Variants in DNTT observed in about 807,000 individuals in gnomAD.
The protein encoded by DNTT is nucleosidetriphosphate:DNA deoxynucleotidylexotransferase.
Under a neutral mutation model 60.9 loss-of-function variants are expected in DNTT, and 47 were observed. That is an observed-to-expected ratio of 0.77 (90% CI 0.61 to 0.98). The LOEUF (loss-of-function observed/expected upper bound fraction) is 0.98, where lower values mean the gene tolerates loss of function less well. Among genes scored for constraint, DNTT ranks in the 50% least tolerant of loss-of-function variants. The probability of loss-of-function intolerance (pLI) is 0.00; values close to 1 mark genes in which losing one functional copy is unlikely to be tolerated. For synonymous variants in DNTT, 224 were observed against 221.2 expected (o/e 1.01, Z -0.11); for missense variants, 665 against 627.5 (o/e 1.06, Z -0.64).
chr10:96,337,761 G>A (rs7091990), intron 10 of DNTT, among the ~76,000 whole-genome samples: 148,211 of 152,276 alleles, frequency 0.97, 72,273 homozygotes, highest in Middle Eastern at 1. Flanking sequence ...AGTGCGTTCA[G>A]ATAGATTGAT....
At chr10:96,328,550 A>G (rs1844966479) in intron 7 of DNTT, among the ~76,000 whole-genome samples, 175 bp from the exon 8 acceptor site, 1 of 152,174 alleles carries the variant, frequency 6.6e-6, no homozygotes, top group Non-Finnish European at 1.5e-5. Flanking sequence ...TGTGTCATAA[A>G]TTTATTTTGT....
chr10:96,320,769 A>G lies in DNTT; in HGVS notation c.659A>G (p.Lys220Arg), dbSNP rs771658084. The change falls in exon 4 of 11, where the codon AAG becomes AGG. Residue 220 changes from lysine to arginine, a missense_variant. By Grantham distance (26) the Lys-to-Arg change is conservative (BLOSUM62 2). Transcript: ENST00000371174. ...GAAGGAATTCCCTGCCTGGGGTCCA[A>G]GGTGAAGGGTATCATAGAGGTAAGG... ...DTEGIPCLGS[K>R]VKGIIEEIIE... 6.2e-7 allele frequency: 1 copy of G among 1,613,716 alleles called. No homozygotes were observed. The highest frequency in any genetic ancestry group is 1.1e-5 in the South Asian group (1 of 91,056).
At chr10:96,307,393 G>A (rs565972189) in intron 1 of DNTT, among the ~76,000 whole-genome samples, 28 of 122,522 alleles carry the variant, frequency 2.3e-4, no homozygotes, top group Middle Eastern at 0.011. Context: ...GTCTCGCTCT[G>A]TCCCAGGCTG....
At position 96,304,708 on chromosome 10, in the gene DNTT, A is replaced by G; in HGVS notation, c.203+8A>G. The G allele has an allele frequency of 6.2e-7, 1 of 1,612,104 alleles. No homozygotes were observed. The highest frequency in any genetic ancestry group is 1.1e-5 in the South Asian group (1 of 90,964). On this transcript the variant is annotated splice_region_variant and intron_variant, in intron 1 of 10. Coordinates refer to ENST00000371174, the MANE Select transcript of DNTT (RefSeq NM_004088.4). ...GGTTGAAAATGAGCTCAGGTAGGAC[A>G]GCATCGATCTTGCTTTGTAAATAAG...
At chr10:96,307,047 A>G (rs982586294) in intron 1 of DNTT, among the ~76,000 whole-genome samples, 11 of 152,224 alleles carry the variant, frequency 7.2e-5, no homozygotes, top group African/African-American at 2.7e-4. Flanking sequence ...ATCCTGATAA[A>G]TGGCCTATCT....
chr10:96,304,790 T>G, intron 1 of DNTT, 90 bp downstream of exon 1: 1 of 1,414,692 alleles, frequency 7.1e-7, no homozygotes, highest in South Asian at 1.4e-5. Context: ...TTCTTCCACA[T>G]GTGGAAGAGG....
At chr10:96,307,777 A>T (rs71494058) in intron 1 of DNTT, among the ~76,000 whole-genome samples, 118,595 of 125,958 alleles carry the variant, frequency 0.94, 56,319 homozygotes, top group Non-Finnish European at 0.99. Context: ...ATATATATAT[A>T]TTTTTTTTTT....
chr10:96,337,211 A>G (rs2133997920), intron 10 of DNTT, among the ~76,000 whole-genome samples: 1 of 152,300 alleles, frequency 6.6e-6, no homozygotes, highest in East Asian at 1.9e-4. Flanking sequence ...TCAACAGAGA[A>G]GAGCCTGTTT....
At chr10:96,320,448 C>T (rs1299041204) in intron 3 of DNTT, among the ~76,000 whole-genome samples, 170 bp from the exon 4 acceptor site, 2 of 152,224 alleles carry the variant, frequency 1.3e-5, no homozygotes, top group Non-Finnish European at 2.9e-5. Context: ...TTCAACTCTA[C>T]TCCATGACAC....
chr10:96,336,435 C>A (rs1353925025), intron 10 of DNTT, among the ~76,000 whole-genome samples: 1 of 152,174 alleles, frequency 6.6e-6, no homozygotes, highest in African/African-American at 2.4e-5. Context: ...AAATGAGCAT[C>A]CAGCTAGTCT....
intron 10 of DNTT, among the ~76,000 whole-genome samples, chr10:96,337,587 A>G (rs888776408): frequency 2.6e-5 from 4 of 152,250 alleles, no homozygotes; most frequent in African/African-American, 7.2e-5. Flanking sequence ...CGTGCTATGT[A>G]CAAGAAGGGA....
chr10:96,337,944 TTTTAC>T (rs1564876633), intron 10 of DNTT, among the ~76,000 whole-genome samples, 189 bp from the exon 11 acceptor site: 2 of 152,336 alleles, frequency 1.3e-5, no homozygotes, highest in Admixed American at 1.3e-4. Flanking sequence ...GCTGTTATGA[TTTTAC>T]TTTAATTCAT....
chr10:96,328,829 A>C lies in DNTT; in HGVS notation c.1112A>C (p.Lys371Thr), dbSNP rs1379671963. 1 of 1,612,304 alleles carries C rather than the reference A, an allele frequency of 6.2e-7. No homozygotes were observed. The highest frequency in any genetic ancestry group is 8.5e-7 in the Non-Finnish European group (1 of 1,179,454). ...AAAGTGATGAACTTATGGGAAAAGA[A>C]GGTGAGAAGAAAGATGAAAAATACA... ...LQKVMNLWEK[K>T]GLLLYYDLVE... The change falls in exon 8 of 11, where the codon AAG (lysine) becomes ACG (threonine). Residue 371 changes from lysine (K) to threonine (T), a missense_variant and splice_region_variant. Lys to Thr is a moderately conservative substitution (Grantham distance 78). Transcript: ENST00000371174.
intron 1 of DNTT, among the ~76,000 whole-genome samples, chr10:96,305,092 G>T (rs1469905696): frequency 1.3e-5 from 2 of 152,228 alleles, no homozygotes; most frequent in African/African-American, 4.8e-5. Flanking sequence ...GCAGAAAGAT[G>T]ATTTGGTTGC....
chr10:96,322,915 G>T (rs1275286723), intron 5 of DNTT, among the ~76,000 whole-genome samples, 187 bp downstream of exon 5: 1 of 152,158 alleles, frequency 6.6e-6, no homozygotes, highest in East Asian at 1.9e-4. Flanking sequence ...TCTGGTGAGG[G>T]TTCTCTTTCT....
Position 96,319,303 on chromosome 10 carries a change from G to C in DNTT, c.420G>C (p.Pro140=). The change falls in exon 3 of 11, where the codon CCG becomes CCC. Residue 140 remains proline, a synonymous_variant. Transcript: ENST00000371174. ...CAGATAGCACCAACCCAGGCCCCCC[G>C]AAGACTCCACCAATTGCTGTACAAA... ...DYSDSTNPGP[P]KTPPIAVQKI... 6.2e-7 allele frequency: 1 copy of C among 1,613,760 alleles called. No individual in the cohort carries two copies. Among genetic ancestry groups the C allele is most frequent in the Non-Finnish European group, 8.5e-7 (1 of 1,179,774 alleles).
chr10:96,330,702 A>G (rs546385075), intron 8 of DNTT, among the ~76,000 whole-genome samples: 67 of 152,198 alleles, frequency 4.4e-4, no homozygotes, highest in Admixed American at 1.0e-3. Context: ...ACAAAGCATG[A>G]TTCCTAACAA....
In DNTT at chr10:96,314,402, C is replaced by CTTTTTTTTTTTTTTTTTTTTTTTT. The variant is rs869059822; in HGVS notation, c.204-3945_204-3922dup. Among the ~76,000 whole-genome samples, 39 of 53,212 alleles carry CTTTTTTTTTTTTTTTTTTTTTTTT rather than the reference C, an allele frequency of 7.3e-4. 11 individuals carry two copies. The highest frequency in any genetic ancestry group is 1.1e-3 in the Non-Finnish European group (27 of 25,332). The allele number at this position is 53,212 out of a possible 152,430, so 34.9% of individuals were successfully genotyped here. Reference sequence around the variant, plus strand: ...TAACATTTCCAAGGCTATCTCTTCCCTTTTTTTTTTTTTTTTTTTTTTTTT... The same window carrying CTTTTTTTTTTTTTTTTTTTTTTTT: ...TAACATTTCCAAGGCTATCTCTTCCCTTTTTTTTTTTTTTTTTTTTTTTTTTTTTTTTTTTTTTTTTTTTTTTTT... On this transcript the variant is annotated intron_variant, in intron 1 of 10. Coordinates refer to ENST00000371174, the MANE Select transcript of DNTT (RefSeq NM_004088.4).
At chr10:96,308,046 A>G (rs1844665518) in intron 1 of DNTT, among the ~76,000 whole-genome samples, 2 of 152,120 alleles carry the variant, frequency 1.3e-5, no homozygotes, top group South Asian at 4.1e-4. Flanking sequence ...CCAGGCTACA[A>G]TAAGCATGTA....
Sources: gnomAD v4.1 joint callset for allele counts (sites outside exome capture counted in the v4.1 genomes callset) on GRCh38, gnomAD v4.1.1 for gene constraint, MANE v1.5 for transcripts, NCBI Gene and HGNC (gene_info 2026-07-23, HGNC 2026-07-21) for gene names.